The following FOXO3B variants were observed in gnomAD, a reference collection of about 807,000 sequenced individuals.
The protein encoded by FOXO3B is forkhead box protein O3B.
A neutral mutation model predicts 21.9 loss-of-function variants in FOXO3B; 15 were observed. That is an observed-to-expected ratio of 0.68 (90% CI 0.46 to 1.05). FOXO3B has a LOEUF of 1.05. Among genes scored for constraint, FOXO3B ranks in the 50% least tolerant of loss-of-function variants. The probability of loss-of-function intolerance (pLI) is 0.00; values close to 1 mark genes in which losing one functional copy is unlikely to be tolerated. For synonymous variants in FOXO3B, 135 were observed against 213.6 expected (o/e 0.63, Z 3.21); for missense variants, 293 against 435.5 (o/e 0.67, Z 2.91).
In FOXO3B at chr17:18,668,251, C is replaced by G. The variant is rs1218306863; in HGVS notation, c.*4058G>C. On this transcript the variant is annotated 3_prime_UTR_variant, in exon 4 of 4. Coordinates refer to ENST00000395675, the MANE Select transcript of FOXO3B (RefSeq NM_001368135.1). ...ACTTTACCCTGGTCTCAGCTCTCCA[C>G]GACACTCTACATGTAGATGCTGTTT... is the stretch of plus-strand genomic sequence containing the variant. 1 of 152,172 alleles carries G rather than the reference C, an allele frequency of 6.6e-6. No homozygotes were observed. The highest frequency in any genetic ancestry group is 2.1e-4 in the South Asian group (1 of 4,834). 9.4% of individuals were successfully genotyped at this position (152,172 alleles called of 1,614,324 possible). A position where few individuals can be genotyped will look rare whatever the true frequency, so the allele number is the denominator to read the frequency against.
rs2032369867 is a variant in FOXO3B, at chr17:18,671,782, G to C, written c.*527C>G. ...AGGTCGTCCATGAGGTTTTCAGTCA[G>C]CCCCATCATTCAGATTCATGGTGCC... On this transcript the variant is annotated 3_prime_UTR_variant, in exon 4 of 4. Transcript: ENST00000395675. 3 of 1,613,160 alleles carry C rather than the reference G, an allele frequency of 1.9e-6. No individual in the cohort carries two copies. In the Admixed American group the frequency reaches 5.0e-5, roughly 27 times the overall value.
Position 18,670,680 on chromosome 17 carries a change from T to A in FOXO3B, c.*1629A>T. ...CACCCTGTACAAAGAAGATTTTGCA[T>A]ACTTTTTAGAGTTCTATTCCAAGGG... On this transcript the variant is annotated 3_prime_UTR_variant, in exon 4 of 4. Coordinates refer to ENST00000395675, the MANE Select transcript of FOXO3B (RefSeq NM_001368135.1). Among the ~76,000 whole-genome samples, 1 of 152,184 alleles carries A rather than the reference T, an allele frequency of 6.6e-6. No individual in the cohort carries two copies. The highest frequency in any genetic ancestry group is 1.5e-5 in the Non-Finnish European group (1 of 68,032).
At chr17:18,677,694 G>C in intron 3 of FOXO3B, 2 of 1,602,784 alleles carry the variant, frequency 1.2e-6, no homozygotes, top group South Asian at 1.1e-5. Context: ...GCATGCTGGC[G>C]AGCGCGATAA....
chr17:18,678,528 T>C (rs951445677), intron 3 of FOXO3B, among the ~76,000 whole-genome samples: 1 of 151,842 alleles, frequency 6.6e-6, no homozygotes, highest in African/African-American at 2.4e-5. Flanking sequence ...TTTAATATTT[T>C]TAAAAATCTA....
At position 18,669,781 on chromosome 17, in the gene FOXO3B, G is replaced by C. The variant is rs1358170653; in HGVS notation, c.*2528C>G. On this transcript the variant is annotated 3_prime_UTR_variant, in exon 4 of 4. Coordinates refer to ENST00000395675, the MANE Select transcript of FOXO3B (RefSeq NM_001368135.1). ...CTAGCAGATCAGATTATATAGCAAG[G>C]CTGAAAATAATCAAGGATGTGTATT... Among the ~76,000 whole-genome samples, 1 of 152,184 alleles carries C rather than the reference G, an allele frequency of 6.6e-6. No individual in the cohort carries two copies. The highest frequency in any genetic ancestry group is 1.9e-4 in the East Asian group (1 of 5,200).
rs144772181 is a variant in FOXO3B, at chr17:18,678,836, T to A, written c.126+1905A>T. 1.6e-4 allele frequency among the ~76,000 whole-genome samples: 24 copies of A among 152,334 alleles called. No homozygotes were observed. The East Asian group carries it at 4.4e-3, about 28-fold the overall frequency. On this transcript the variant is annotated intron_variant, in intron 3 of 3. Transcript: ENST00000395675. ...CCATCTCTGACTCACGGGTGGGATG[T>A]TTGTGCGTGCACGTGAATGTGTGTG...
chr17:18,674,391 C>G (rs547640807), intron 3 of FOXO3B, among the ~76,000 whole-genome samples: 2 of 150,122 alleles, frequency 1.3e-5, no homozygotes, highest in South Asian at 4.2e-4. Flanking sequence ...TTTGGGAGGC[C>G]AAGGAGGGCG....
chr17:18,670,025 A>G lies in FOXO3B; in HGVS notation c.*2284T>C, dbSNP rs1397057187. The stretch of plus-strand genomic sequence containing the variant: ...AGCTGAGCTGATTTCTTTCCTGAAA[A>G]TATCATTATTCTAGTTTCTAACCAG... On this transcript the variant is annotated 3_prime_UTR_variant, in exon 4 of 4. Coordinates refer to ENST00000395675, the MANE Select transcript of FOXO3B (RefSeq NM_001368135.1). Among the ~76,000 whole-genome samples, 2 of 150,724 alleles carry G rather than the reference A, an allele frequency of 1.3e-5. No homozygotes were observed. The highest frequency in any genetic ancestry group is 2.9e-5 in the Non-Finnish European group (2 of 67,946).
chr17:18,671,744 G>A lies in FOXO3B; in HGVS notation c.*565C>T. 2.5e-6 allele frequency: 4 copies of A among 1,613,672 alleles called. No homozygotes were observed. The Middle Eastern group carries it at 4.9e-4, about 200-fold the overall frequency. On this transcript the variant is annotated 3_prime_UTR_variant, in exon 4 of 4. Coordinates refer to ENST00000395675, the MANE Select transcript of FOXO3B (RefSeq NM_001368135.1). ...GCGATGGCTGGGATGGCGGGAGCGT[G>A]ATGTTATCCAGCAGGTCGTCCATGA...
intron 3 of FOXO3B, chr17:18,677,276 G>C (rs1326433602): frequency 1.4e-5 from 22 of 1,612,926 alleles, no homozygotes; most frequent in Non-Finnish European, 1.9e-5. Flanking sequence ...TGTTCCGCAT[G>C]AAACTCCTGC....
Position 18,672,583 on chromosome 17 carries a change from GC to G in FOXO3B, c.598del (p.Ala200ArgfsTer5), listed in dbSNP as rs2032392142. ...GQDPGSGPAT[A>X]AGGLSGGTQA... ...TGTACCCCCGCTCAGCCCGCCCGCC[GC>G]GGTGGCTGGCCCAGACCCGGGGTCT... On this transcript the variant is annotated frameshift_variant, in exon 4 of 4. Coordinates refer to ENST00000395675, the MANE Select transcript of FOXO3B (RefSeq NM_001368135.1). LOFTEE classifies it high-confidence loss of function. This position sits in a 1 kb window ranked among gnomAD's most constrained non-coding sequence, Gnocchi z 4.2. The G allele has an allele frequency of 1.4e-6, 2 of 1,433,988 alleles. No homozygotes were observed. The highest frequency in any genetic ancestry group is 1.8e-6 in the Non-Finnish European group (2 of 1,103,416). The allele number at this position is 1,433,988 out of a possible 1,614,324, so 88.8% of individuals were successfully genotyped here.
Position 18,672,362 on chromosome 17 carries a change from T to A in FOXO3B, c.820A>T (p.Ser274Cys). The change falls in exon 4 of 4, where the codon AGT (serine) becomes TGT (cysteine). Residue 274 changes from serine to cysteine, a missense_variant. Physicochemically the swap from Ser to Cys is moderately radical, Grantham distance 112 (BLOSUM62 -1). Coordinates refer to ENST00000395675, the MANE Select transcript of FOXO3B (RefSeq NM_001368135.1). This position sits in a 1 kb window ranked among gnomAD's most constrained non-coding sequence, Gnocchi z 4.2. ...TTATCCTTGAAGTAGGGCACGCAAC[T>A]CACCATCCACTCGTAGATCTGGGAC... ...TLSQIYEWMV[S>C]CVPYFKDKGN... 2 of 1,610,204 alleles carry A rather than the reference T, an allele frequency of 1.2e-6. No homozygotes were observed. Among genetic ancestry groups the A allele is most frequent in the South Asian group, 1.1e-5 (1 of 90,832 alleles).
At chr17:18,677,911 C>CAAAAAAAAAAAAAAA (rs57669387) in intron 3 of FOXO3B, among the ~76,000 whole-genome samples, 1 of 92,700 alleles carries the variant, frequency 1.1e-5, no homozygotes, top group Non-Finnish European at 2.1e-5. Context: ...GTTGGAAAAG[C>CAAAAAAAAAAAAAAA]AAAAAAAAAA....
intron 3 of FOXO3B, among the ~76,000 whole-genome samples, chr17:18,680,296 C>A (rs1176466032): frequency 6.6e-6 from 1 of 152,194 alleles, no homozygotes; most frequent in Non-Finnish European, 1.5e-5. Context: ...CTTTCCTTTT[C>A]CAGTGTTTCT....
chr17:18,670,879 C>T lies in FOXO3B; in HGVS notation c.*1430G>A. On this transcript the variant is annotated 3_prime_UTR_variant, in exon 4 of 4. Coordinates refer to ENST00000395675, the MANE Select transcript of FOXO3B (RefSeq NM_001368135.1). Reference sequence around the variant, plus strand: ...GTGTCAGTTTGAGGGTCTGCTTTGCCCACTTCCCCTTCCTCAGTGATCCTT... The same window carrying T: ...GTGTCAGTTTGAGGGTCTGCTTTGCTCACTTCCCCTTCCTCAGTGATCCTT... The T allele has an allele frequency of 6.3e-7, 1 of 1,586,106 alleles. No individual in the cohort carries two copies.
chr17:18,677,259 C>T, intron 3 of FOXO3B: 1 of 1,609,820 alleles, frequency 6.2e-7, no homozygotes, highest in East Asian at 2.2e-5. Context: ...TGTATGTATA[C>T]AAGGTCTGTT....
At position 18,673,068 on chromosome 17, in the gene FOXO3B, G is replaced by T. The variant is rs878868302; in HGVS notation, c.127-13C>A. The T allele has an allele frequency of 6.8e-7, 1 of 1,461,990 alleles. No individual in the cohort carries two copies. Among genetic ancestry groups the T allele is most frequent in the Non-Finnish European group, 9.0e-7 (1 of 1,110,862 alleles). The allele number at this position is 1,461,990 out of a possible 1,614,324, so 90.6% of individuals were successfully genotyped here. ...CCGCCGCCGCCGCCTGGGGAAGCAC[G>T]AGAGAAGAGAGAAGGAGAGTTGGTT... On this transcript the variant is annotated splice_polypyrimidine_tract_variant and intron_variant, in intron 3 of 3. Transcript: ENST00000395675.
intron 1 of FOXO3B, 143 bp downstream of exon 1, chr17:18,682,061 G>A: frequency 1.6e-6 from 1 of 609,828 alleles, no homozygotes; most frequent in Admixed American, 2.6e-5. Context: ...GATCAGGCCA[G>A]AGTGAGAAGG....
chr17:18,670,468 C>T lies in FOXO3B; in HGVS notation c.*1841G>A, dbSNP rs537480601. ...GGTTAACATTTTAACAGAAAAATACCGCAAGTTAATGCATGTGAAAAACTC... is the reference window on the plus strand; with the variant it reads ...GGTTAACATTTTAACAGAAAAATACTGCAAGTTAATGCATGTGAAAAACTC... On this transcript the variant is annotated 3_prime_UTR_variant, in exon 4 of 4. Coordinates refer to ENST00000395675, the MANE Select transcript of FOXO3B (RefSeq NM_001368135.1). Among the ~76,000 whole-genome samples, 16 of 152,168 alleles carry T rather than the reference C, an allele frequency of 1.1e-4. No individual in the cohort carries two copies. Among genetic ancestry groups the T allele is most frequent in the Non-Finnish European group, 1.2e-4 (8 of 68,010 alleles).
Sources: allele counts gnomAD v4.1 joint callset (sites outside exome capture counted in the v4.1 genomes callset), GRCh38; gene constraint gnomAD v4.1.1; non-coding constraint Gnocchi (gnomAD v3.1); transcripts MANE v1.5; gene names NCBI Gene and HGNC (gene_info 2026-07-23, HGNC 2026-07-21).